Variants in DHX9 observed in about 807,000 individuals in gnomAD.
The protein encoded by DHX9 is DExH-box helicase 9, also known as ATP-dependent RNA helicase A.
Under a neutral mutation model 148.7 loss-of-function variants are expected in DHX9, and 27 were observed. The observed-to-expected ratio is 0.18, with a 90% CI of 0.13 to 0.25. DHX9 has a LOEUF of 0.25. DHX9 is among the 10% of genes least tolerant of loss of function. DHX9 has a pLI of 1.00. For missense variants in DHX9, 796 were observed against 1,559.6 expected (o/e 0.51, Z 8.25); for synonymous variants, 529 against 516.6 (o/e 1.02, Z -0.33).
At chr1:182,867,466 G>A (rs1230153556) in intron 14 of DHX9, among the ~76,000 whole-genome samples, 5 of 152,040 alleles carry the variant, frequency 3.3e-5, no homozygotes, top group African/African-American at 9.7e-5. Context: ...GCAGTGGCGC[G>A]ATCTCAGCTC....
In DHX9 at chr1:182,872,501, T is replaced by TA; in HGVS notation, c.1714+8_1714+9insA. On this transcript the variant is annotated intron_variant, in intron 15 of 27. Coordinates refer to ENST00000367549, the MANE Select transcript of DHX9 (RefSeq NM_001357.5). ...GGACTTACCCAGTTCAAGGTAATATTGTGGGGGTGGTATAGGAACATCTTT... is the reference window on the plus strand; with the variant it reads ...GGACTTACCCAGTTCAAGGTAATATTAGTGGGGGTGGTATAGGAACATCTTT... 6.2e-7 allele frequency: 1 copy of TA among 1,611,962 alleles called. No homozygotes were observed.
intron 4 of DHX9, among the ~76,000 whole-genome samples, chr1:182,853,015 C>G (rs1422053331): frequency 9.2e-6 from 1 of 108,214 alleles, no homozygotes; most frequent in Non-Finnish European, 1.7e-5. Flanking sequence ...CAACCTCCAC[C>G]TCCCAGGTTC....
chr1:182,875,129 G>T (rs749198579), intron 16 of DHX9, 175 bp downstream of exon 16: 1 of 644,894 alleles, frequency 1.6e-6, no homozygotes, highest in Non-Finnish European at 2.9e-6. Flanking sequence ...TCCAGGTTCA[G>T]TGACAAGCTG....
intron 14 of DHX9, among the ~76,000 whole-genome samples, chr1:182,868,752 G>A (rs1415568911): frequency 6.6e-6 from 1 of 151,780 alleles, no homozygotes; most frequent in Admixed American, 6.6e-5. Flanking sequence ...CCTAACTTCA[G>A]GTGATCCACC....
chr1:182,874,199 C>T (rs1648666592), intron 15 of DHX9, among the ~76,000 whole-genome samples: 2 of 152,136 alleles, frequency 1.3e-5, no homozygotes, highest in Non-Finnish European at 1.5e-5. Context: ...CTTCTGAAGA[C>T]TACAGTGTGG....
chr1:182,846,957 T>A (rs931329367), intron 3 of DHX9, among the ~76,000 whole-genome samples: 3 of 152,154 alleles, frequency 2.0e-5, no homozygotes, highest in African/African-American at 7.2e-5. Flanking sequence ...TTGATTATCT[T>A]CAGATTCTTT....
In DHX9 at chr1:182,887,497, G is replaced by A. The variant is rs193146921; in HGVS notation, c.*63G>A. On this transcript the variant is annotated 3_prime_UTR_variant, in exon 28 of 28. Coordinates refer to ENST00000367549, the MANE Select transcript of DHX9 (RefSeq NM_001357.5). ...GAAAAAAAGGCATGCTATGTGTTACGTGTTTTTTCCAGTATGTTTATTTGC... is the reference window on the plus strand; with the variant it reads ...GAAAAAAAGGCATGCTATGTGTTACATGTTTTTTCCAGTATGTTTATTTGC... The A allele has an allele frequency of 1.6e-5, 23 of 1,424,024 alleles. 1 individual carries two copies. In the East Asian group the frequency reaches 2.8e-4, roughly 17 times the overall value. 88.2% of individuals were successfully genotyped at this position (1,424,024 alleles called of 1,614,324 possible). A position where few individuals can be genotyped will look rare whatever the true frequency, so the allele number is the denominator to read the frequency against.
intron 15 of DHX9, among the ~76,000 whole-genome samples, chr1:182,873,389 C>G (rs920981579): frequency 3.3e-5 from 5 of 152,160 alleles, no homozygotes; most frequent in African/African-American, 1.2e-4. Flanking sequence ...TAGACAGATA[C>G]GAAGTGATGT....
rs935361879 is a variant in DHX9 at position 182,839,726 on chromosome 1, C to T, written c.-23+270C>T. The T allele has an allele frequency of 5.3e-5, 8 of 150,732 alleles. 1 individual carries two copies. The highest frequency in any genetic ancestry group is 1.0e-4 in the Non-Finnish European group (7 of 68,210). 9.3% of individuals were successfully genotyped at this position (150,732 alleles called of 1,614,324 possible). A position where few individuals can be genotyped will look rare whatever the true frequency, so the allele number is the denominator to read the frequency against. ...TGCTGCCTCTAGCAGGCAAAGCGCG[C>T]TTCCTCCTCTGGCCTGCGTACGCCG... On this transcript the variant is annotated intron_variant, in intron 1 of 27. Transcript: ENST00000367549.
In DHX9 at chr1:182,852,312, G is replaced by T. The variant is rs1488394244; in HGVS notation, c.332G>T (p.Gly111Val). Residue 111 changes from glycine (G) to valine (V), a missense_variant, in exon 4 of 28, where the codon GGA becomes GTA. Coordinates refer to ENST00000367549, the MANE Select transcript of DHX9 (RefSeq NM_001357.5). ...AEGDLPTTMGGPLPPHLALKA... is the reference protein window; with the variant it reads ...AEGDLPTTMGVPLPPHLALKA... ...GGAGATTTACCAACAACCATGGGAG[G>T]ACCTCTTCCTCCACATCTGGCTCTC... 6.2e-7 allele frequency: 1 copy of T among 1,612,640 alleles called. No individual in the cohort carries two copies. Among genetic ancestry groups the T allele is most frequent in the African/African-American group, 1.3e-5 (1 of 74,980 alleles).
intron 3 of DHX9, among the ~76,000 whole-genome samples, chr1:182,851,226 T>C (rs760727940): frequency 6.6e-6 from 1 of 152,154 alleles, no homozygotes; most frequent in Non-Finnish European, 1.5e-5. Flanking sequence ...AACACAACAT[T>C]AGACATGTTG....
At chr1:182,882,999 G>A (rs1302308085) in intron 24 of DHX9, 140 bp from the exon 25 acceptor site, 6 of 612,876 alleles carry the variant, frequency 9.8e-6, no homozygotes, top group South Asian at 2.0e-5. Context: ...TAAGGATTCT[G>A]AGAAGAGAAA....
chr1:182,863,793 A>AT (rs61680747), intron 12 of DHX9, among the ~76,000 whole-genome samples: 28,325 of 148,246 alleles, frequency 0.19, 4,089 homozygotes, highest in African/African-American at 0.4. Flanking sequence ...GAATTAGAAG[A>AT]TTTTTTTTTT....
intron 10 of DHX9, 23 bp downstream of exon 10, chr1:182,858,917 G>A (rs1268353233): frequency 6.2e-7 from 1 of 1,613,124 alleles, no homozygotes; most frequent in Non-Finnish European, 8.5e-7. Context: ...TTGTTTTTGA[G>A]ATCAGAGTCT....
At chr1:182,879,181 C>T (rs1648969356) in intron 20 of DHX9, 69 bp from the exon 21 acceptor site, 2 of 1,287,312 alleles carry the variant, frequency 1.6e-6, no homozygotes, top group Non-Finnish European at 2.0e-6. Flanking sequence ...GATTACCTTG[C>T]TGCAAAAAGT....
chr1:182,841,358 G>A (rs1337005592), intron 1 of DHX9, among the ~76,000 whole-genome samples: 1 of 152,184 alleles, frequency 6.6e-6, no homozygotes, highest in African/African-American at 2.4e-5. Flanking sequence ...CATGTAGTTG[G>A]TATTGAACAT....
At position 182,887,823 on chromosome 1, in the gene DHX9, TA is replaced by T. The variant is rs1649405024; in HGVS notation, c.*392del. The stretch of plus-strand genomic sequence containing the variant: ...CAATGCCAGCTACATCTGTTGATTT[TA>T]AATGTCAGAGAAGTTGTACCCTGTT... On this transcript the variant is annotated 3_prime_UTR_variant, in exon 28 of 28. Coordinates refer to ENST00000367549, the MANE Select transcript of DHX9 (RefSeq NM_001357.5). 5.2e-6 allele frequency: 1 copy of T among 190,756 alleles called. No homozygotes were observed. The highest frequency in any genetic ancestry group is 5.3e-5 in the Admixed American group (1 of 18,938). 11.8% of individuals were successfully genotyped at this position (190,756 alleles called of 1,614,324 possible). A position where few individuals can be genotyped will look rare whatever the true frequency, so the allele number is the denominator to read the frequency against.
At position 182,882,682 on chromosome 1, in the gene DHX9, C is replaced by T. The variant is rs143376915; in HGVS notation, c.2915-457C>T. Among the ~76,000 whole-genome samples the T allele has an allele frequency of 7.2e-4, 109 of 152,074 alleles. 1 individual carries two copies. In the East Asian group the frequency reaches 0.02, roughly 28 times the overall value. On this transcript the variant is annotated intron_variant, in intron 24 of 27. Transcript: ENST00000367549. Reference sequence around the variant, plus strand: ...GAGATCGAGACCATCCTGGCTAACACGGTGAAACCCGTCTCTACTAAAACT... The same window carrying T: ...GAGATCGAGACCATCCTGGCTAACATGGTGAAACCCGTCTCTACTAAAACT...
At chr1:182,886,220 C>G (rs1048429717) in intron 27 of DHX9, among the ~76,000 whole-genome samples, 1 of 149,846 alleles carries the variant, frequency 6.7e-6, no homozygotes, top group African/African-American at 2.5e-5. Flanking sequence ...TTTTGAGAGT[C>G]AGTTTTGCCC....
Sources: allele counts gnomAD v4.1 joint callset (sites outside exome capture counted in the v4.1 genomes callset), GRCh38; gene constraint gnomAD v4.1.1; transcripts MANE v1.5; gene names NCBI Gene and HGNC (gene_info 2026-07-23, HGNC 2026-07-21).